Variants in TENM2 observed in about 807,000 individuals in gnomAD.
TENM2 encodes teneurin transmembrane protein 2, also known as teneurin-2.
A neutral mutation model predicts 245.2 loss-of-function variants in TENM2; 52 were observed. The ratio of observed to expected loss-of-function variants is 0.21; its 90% CI spans 0.17 to 0.27. TENM2 has a LOEUF of 0.27. Ranked by LOEUF, TENM2 falls within the 10% of genes least tolerant of loss-of-function variation. The pLI is 1.00. For synonymous variants in TENM2, 1,363 were observed against 1,438.9 expected, an observed-to-expected ratio of 0.95 and a Z score of 1.19; for missense variants, 3,046 against 3,666.8, an observed-to-expected ratio of 0.83 and a Z score of 4.37.
the TENM2 span, among the ~76,000 whole-genome samples, chr5:167,096,074 G>A: frequency 6.6e-6 from 1 of 152,046 alleles, no homozygotes; most frequent in East Asian, 1.9e-4. Flanking sequence ...GCCTGGCAAA[G>A]CAAGTTTTAT....
At chr5:167,114,675 T>TTC in the TENM2 span, among the ~76,000 whole-genome samples, 2 of 152,228 alleles carry the variant, frequency 1.3e-5, no homozygotes, top group Non-Finnish European at 2.9e-5. Context: ...AAACTTTACC[T>TTC]TCTCTCTTTT....
chr5:167,041,695 A>C, the TENM2 span, among the ~76,000 whole-genome samples: 1 of 152,202 alleles, frequency 6.6e-6, no homozygotes, highest in Admixed American at 6.5e-5. Context: ...GGTTCTTTTA[A>C]AAAATTACAA....
intron 2 of TENM2, among the ~76,000 whole-genome samples, chr5:167,601,707 C>T (rs1020074284): frequency 6.6e-5 from 10 of 152,106 alleles, no homozygotes; most frequent in South Asian, 2.1e-4. Context: ...ATTTCTTATT[C>T]GTTATTGTTA....
the TENM2 span, among the ~76,000 whole-genome samples, chr5:167,099,461 C>T: frequency 2.6e-5 from 4 of 152,052 alleles, no homozygotes; most frequent in Non-Finnish European, 5.9e-5. Flanking sequence ...TTTGGGAGGC[C>T]GAGGCGGGCG....
At chr5:167,720,413 T>A (rs1759550135) in intron 2 of TENM2, among the ~76,000 whole-genome samples, 2 of 152,204 alleles carry the variant, frequency 1.3e-5, no homozygotes, top group Non-Finnish European at 2.9e-5. Flanking sequence ...TTCCAGTACA[T>A]ACTTCCCTTC....
At chr5:167,573,500 GTCTCTC>G (rs772318555) in intron 2 of TENM2, among the ~76,000 whole-genome samples, 24 of 133,812 alleles carry the variant, frequency 1.8e-4, no homozygotes, top group Non-Finnish European at 2.9e-4. Flanking sequence ...GATGTTCTCT[GTCTCTC>G]TCTCTCTCTC....
intron 2 of TENM2, among the ~76,000 whole-genome samples, chr5:167,617,187 T>A (rs1320331695): frequency 6.6e-6 from 1 of 152,138 alleles, no homozygotes; most frequent in Admixed American, 6.6e-5. Flanking sequence ...TTTAATGTAT[T>A]TTCTCTGCAT....
At position 167,877,948 on chromosome 5, in the gene TENM2, G is replaced by C. The variant is rs1218867850; in HGVS notation, c.712+1753G>C. On this transcript the variant is annotated intron_variant, in intron 3 of 28. Transcript: ENST00000518659. ...GAATATTGTATTATGAAGGACAAGA[G>C]GCTTTTGAAATGAGGTGCACCTGCT... Among the ~76,000 whole-genome samples the C allele has an allele frequency of 2.0e-5, 3 of 152,114 alleles. No homozygotes were observed. In the East Asian group the frequency reaches 5.8e-4, roughly 29 times the overall value.
chr5:168,224,638 C>A (rs750725931), intron 23 of TENM2, among the ~76,000 whole-genome samples: 2 of 152,128 alleles, frequency 1.3e-5, no homozygotes, highest in Non-Finnish European at 2.9e-5. Flanking sequence ...CTCTGAGGAC[C>A]CCCCATCCCC....
intron 2 of TENM2, among the ~76,000 whole-genome samples, chr5:167,519,302 C>G (rs908921337): frequency 6.6e-6 from 1 of 152,130 alleles, no homozygotes; most frequent in Non-Finnish European, 1.5e-5. Flanking sequence ...TATCCCAACA[C>G]TGAGCACATA....
chr5:166,993,950 GTA>G, the TENM2 span, among the ~76,000 whole-genome samples: 44 of 152,086 alleles, frequency 2.9e-4, 1 homozygote, highest in Non-Finnish European at 3.7e-4. Flanking sequence ...CTATATTTGC[GTA>G]TGTTTGTTTG....
intron 3 of TENM2, among the ~76,000 whole-genome samples, chr5:167,883,379 C>T (rs957926451): frequency 6.6e-6 from 1 of 152,228 alleles, no homozygotes; most frequent in African/African-American, 2.4e-5. Context: ...CACATGTGCA[C>T]GTGTGTGCAC....
intron 2 of TENM2, among the ~76,000 whole-genome samples, chr5:167,827,764 G>A (rs1201589978): frequency 6.6e-6 from 1 of 151,936 alleles, no homozygotes; most frequent in Non-Finnish European, 1.5e-5. Flanking sequence ...TATACAAAAA[G>A]TTAATCAGGG....
chr5:167,805,316 A>C (rs984091591), intron 2 of TENM2, among the ~76,000 whole-genome samples: 8 of 152,170 alleles, frequency 5.3e-5, no homozygotes, highest in Non-Finnish European at 1.0e-4. Context: ...GATACTTATT[A>C]AAAGAATAGG....
chr5:168,004,498 TGCACGCATGC>T (rs1301404786), intron 5 of TENM2, among the ~76,000 whole-genome samples: 35 of 106,342 alleles, frequency 3.3e-4, no homozygotes, highest in African/African-American at 1.3e-3. Context: ...CCATTTGGGA[TGCACGCATGC>T]GCGCGCGCGC....
chr5:167,040,736 T>G, the TENM2 span, among the ~76,000 whole-genome samples: 947 of 152,316 alleles, frequency 6.2e-3, 11 homozygotes, highest in African/African-American at 0.021. Flanking sequence ...ATATATAATA[T>G]TTTCCCCACT....
At chr5:167,024,991 C>G in the TENM2 span, among the ~76,000 whole-genome samples, 2 of 152,090 alleles carry the variant, frequency 1.3e-5, no homozygotes, top group African/African-American at 2.4e-5. Context: ...GTGCTCAAGT[C>G]CCACCCCCAA....
chr5:167,109,308 A>T, the TENM2 span, among the ~76,000 whole-genome samples: 10 of 151,940 alleles, frequency 6.6e-5, no homozygotes, highest in East Asian at 1.9e-3. Flanking sequence ...GATAAAATGG[A>T]TGCTGAGTAA....
chr5:167,907,168 G>A (rs1776150832), intron 3 of TENM2, among the ~76,000 whole-genome samples: 1 of 151,976 alleles, frequency 6.6e-6, no homozygotes, highest in Admixed American at 6.6e-5. Context: ...GGAGGCGGAG[G>A]TTGCAATGAG....
Sources: gnomAD v4.1 joint callset for allele counts (sites outside exome capture counted in the v4.1 genomes callset) on GRCh38, gnomAD v4.1.1 for gene constraint, MANE v1.5 for transcripts, NCBI Gene and HGNC (gene_info 2026-07-23, HGNC 2026-07-21) for gene names.